Variants in RBFOX1 observed in about 807,000 individuals in gnomAD.
The protein encoded by RBFOX1 is RNA binding protein fox-1 homolog 1.
Under a neutral mutation model 57.7 loss-of-function variants are expected in RBFOX1, and 8 were observed. The observed-to-expected ratio is 0.14, with a 90% CI of 0.08 to 0.25. The LOEUF is 0.25. Among genes scored for constraint, RBFOX1 ranks in the 10% least tolerant of loss-of-function variants. RBFOX1 has a pLI of 1.00. For missense variants in RBFOX1, 611 were observed against 548.5 expected, an observed-to-expected ratio of 1.11 and a Z score of -1.14; for synonymous variants, 326 against 222.4, an observed-to-expected ratio of 1.47 and a Z score of -4.15.
At chr16:7,362,231 TTGTG>T (rs781559201) in intron 4 of RBFOX1, among the ~76,000 whole-genome samples, 80 of 151,582 alleles carry the variant, frequency 5.3e-4, no homozygotes, top group Middle Eastern at 3.4e-3. Context: ...TTTGTGTGTT[TTGTG>T]TGTGTTAGTA....
chr16:6,872,183 G>A (rs1051259479), intron 3 of RBFOX1, among the ~76,000 whole-genome samples: 12 of 152,074 alleles, frequency 7.9e-5, no homozygotes, highest in Admixed American at 2.6e-4. Context: ...GTCTGTCTTA[G>A]TCACCAACTT....
At chr16:7,127,656 A>C (rs1323320869) in intron 4 of RBFOX1, among the ~76,000 whole-genome samples, 1 of 152,120 alleles carries the variant, frequency 6.6e-6, no homozygotes, top group Non-Finnish European at 1.5e-5. Flanking sequence ...TGTGGTGATG[A>C]TTTCAAGTTA....
chr16:6,288,279 A>G (rs1346141724), intron 1 of RBFOX1, among the ~76,000 whole-genome samples: 3 of 152,294 alleles, frequency 2.0e-5, no homozygotes, highest in Middle Eastern at 3.4e-3. Flanking sequence ...TGTTGTGCAT[A>G]TGAGTCATGT....
intron 5 of RBFOX1, among the ~76,000 whole-genome samples, chr16:7,542,359 T>C (rs2083178530): frequency 6.6e-6 from 1 of 152,164 alleles, no homozygotes; most frequent in Admixed American, 6.5e-5. Context: ...CGTAACTTCC[T>C]CTTGACTTTC....
intron 6 of RBFOX1, among the ~76,000 whole-genome samples, chr16:7,580,472 G>C (rs1160237511): frequency 6.6e-6 from 1 of 152,116 alleles, no homozygotes; most frequent in Non-Finnish European, 1.5e-5. Flanking sequence ...TGAGCTACCA[G>C]TTTCTAAGTC....
intron 2 of RBFOX1, among the ~76,000 whole-genome samples, chr16:6,570,910 G>A (rs971876409): frequency 6.6e-6 from 1 of 152,162 alleles, no homozygotes; most frequent in Non-Finnish European, 1.5e-5. Context: ...AAATCTTGCA[G>A]GGCCTTTGAT....
chr16:5,270,891 C>A, intron 1 of RBFOX1: 1 of 391,012 alleles, frequency 2.6e-6, no homozygotes, highest in South Asian at 2.2e-5. Context: ...CCACTAGGGA[C>A]GAGACACATG....
At chr16:5,940,777 G>A (rs949530744) in intron 4 of RBFOX1, among the ~76,000 whole-genome samples, 1 of 152,134 alleles carries the variant, frequency 6.6e-6, no homozygotes, top group Non-Finnish European at 1.5e-5. Context: ...GGCCACAGCC[G>A]GCTAGTCTGG....
intron 4 of RBFOX1, among the ~76,000 whole-genome samples, chr16:7,368,446 T>C (rs532513071): frequency 1.1e-4 from 17 of 152,136 alleles, no homozygotes; most frequent in African/African-American, 4.1e-4. Flanking sequence ...AAAAGTTTTC[T>C]TGGAGGTCTC....
intron 1 of RBFOX1, among the ~76,000 whole-genome samples, chr16:6,134,893 G>T (rs58219101): frequency 0.057 from 8,727 of 151,816 alleles, 368 homozygotes; most frequent in East Asian, 0.22. Flanking sequence ...TATGCACAAC[G>T]TGCAGGGTTG....
At chr16:7,177,360 A>C (rs1163880615) in intron 4 of RBFOX1, among the ~76,000 whole-genome samples, 2 of 152,216 alleles carry the variant, frequency 1.3e-5, no homozygotes, top group Non-Finnish European at 2.9e-5. Flanking sequence ...AGAGTTTCCA[A>C]CACAGAGGAA....
intron 4 of RBFOX1, among the ~76,000 whole-genome samples, chr16:7,456,129 C>T (rs1408006604): frequency 1.3e-5 from 2 of 152,128 alleles, no homozygotes; most frequent in Non-Finnish European, 2.9e-5. Context: ...TTTTGCACTG[C>T]CCCCAGAAAT....
intron 4 of RBFOX1, among the ~76,000 whole-genome samples, chr16:7,125,686 A>G (rs1336491423): frequency 1.3e-5 from 2 of 152,178 alleles, no homozygotes; most frequent in African/African-American, 4.8e-5. Context: ...TTGCTCTAAA[A>G]TTTAACACTT....
At chr16:7,144,412 T>TTCC (rs2074479787) in intron 4 of RBFOX1, among the ~76,000 whole-genome samples, 1 of 38,434 alleles carries the variant, frequency 2.6e-5, no homozygotes, top group African/African-American at 1.2e-4. Context: ...TTCTTTTTCT[T>TTCC]TCTTCTTTTT....
At chr16:6,767,552 A>G (rs766953761) in intron 3 of RBFOX1, among the ~76,000 whole-genome samples, 4 of 152,160 alleles carry the variant, frequency 2.6e-5, no homozygotes, top group Non-Finnish European at 4.4e-5. Flanking sequence ...ATTCTGATGA[A>G]TACAATAATG....
At chr16:7,551,140 C>T (rs986608417) in intron 5 of RBFOX1, among the ~76,000 whole-genome samples, 2 of 150,672 alleles carry the variant, frequency 1.3e-5, no homozygotes, top group Non-Finnish European at 3.0e-5. Context: ...CTTCTGCTTT[C>T]GCCACGATAG....
intron 5 of RBFOX1, among the ~76,000 whole-genome samples, chr16:7,569,985 G>T (rs562262970): frequency 2.0e-5 from 3 of 152,036 alleles, no homozygotes; most frequent in South Asian, 2.1e-4. Context: ...TTTTTCAAAG[G>T]CTAAATATAA....
chr16:5,380,776 C>G (rs1021810348), intron 1 of RBFOX1, among the ~76,000 whole-genome samples: 1 of 152,194 alleles, frequency 6.6e-6, no homozygotes, highest in African/African-American at 2.4e-5. Context: ...GCTTTGAAAC[C>G]TTCAGCGCCT....
chr16:7,505,671 A>C (rs1335538767), intron 4 of RBFOX1, among the ~76,000 whole-genome samples: 1 of 152,114 alleles, frequency 6.6e-6, no homozygotes, highest in Non-Finnish European at 1.5e-5. Flanking sequence ...TCCTCACTGC[A>C]AGTCGACCGC....
Sources: gnomAD v4.1 joint callset for allele counts (sites outside exome capture counted in the v4.1 genomes callset) on GRCh38, gnomAD v4.1.1 for gene constraint, MANE v1.5 for transcripts, NCBI Gene and HGNC (gene_info 2026-07-23, HGNC 2026-07-21) for gene names.